KIRREL3: variants seen among roughly 807,000 people sequenced by gnomAD.
KIRREL3 encodes the protein kirre like nephrin family adhesion molecule 3, also known as kin of IRRE-like protein 3.
In KIRREL3, 36 loss-of-function variants were observed where a neutral mutation model predicts 89.7. The ratio of observed to expected loss-of-function variants is 0.40; its 90% CI spans 0.31 to 0.53. The LOEUF (loss-of-function observed/expected upper bound fraction) is 0.53. KIRREL3 is among the 20% of genes least tolerant of loss of function. The probability of loss-of-function intolerance (pLI) is 0.49; values close to 1 mark genes in which losing one functional copy is unlikely to be tolerated. For synonymous variants in KIRREL3, 445 were observed against 441.4 expected (o/e 1.01, Z -0.10); for missense variants, 864 against 1,056.6 (o/e 0.82, Z 2.53).
At chr11:126,482,191 A>G (rs1263745485) in intron 4 of KIRREL3, among the ~76,000 whole-genome samples, 1 of 152,004 alleles carries the variant, frequency 6.6e-6, no homozygotes, top group Non-Finnish European at 1.5e-5. Flanking sequence ...AGTGCCCACC[A>G]TCATGCCTGG....
At chr11:126,438,919 A>C (rs531467288) in intron 11 of KIRREL3, among the ~76,000 whole-genome samples, 1 of 151,980 alleles carries the variant, frequency 6.6e-6, no homozygotes, top group South Asian at 2.1e-4. Flanking sequence ...GGCCAGCCCC[A>C]CCCTCCCTGC....
rs1957507958 is a variant in KIRREL3, at chr11:126,491,336, G to T, written c.434-17870C>A. Among the ~76,000 whole-genome samples, 1 of 152,246 alleles carries T rather than the reference G, an allele frequency of 6.6e-6. No homozygotes were observed. Among genetic ancestry groups the T allele is most frequent in the South Asian group, 2.1e-4 (1 of 4,834 alleles). On this transcript the variant is annotated intron_variant, in intron 4 of 16. Transcript: ENST00000525144. This position sits in a 1 kb window ranked among gnomAD's most constrained non-coding sequence, Gnocchi z 5.5. ...GAGGGCGGGCGCGTGCTGGCTCTGA[G>T]CGGGTGCTTTATTGTGTGATGGGTG...
At chr11:126,613,852 T>C (rs1943228659) in intron 1 of KIRREL3, among the ~76,000 whole-genome samples, 2 of 148,782 alleles carry the variant, frequency 1.3e-5, no homozygotes, top group South Asian at 4.3e-4. Context: ...ATTGCATTTC[T>C]GGAATGTTAA....
intron 2 of KIRREL3, among the ~76,000 whole-genome samples, chr11:126,554,565 T>C (rs1370329083): frequency 6.6e-6 from 1 of 152,160 alleles, no homozygotes; most frequent in East Asian, 1.9e-4. Flanking sequence ...TCCCAGCATC[T>C]TGGAGCTACT....
intron 1 of KIRREL3, among the ~76,000 whole-genome samples, chr11:126,692,544 C>CCA (rs1288184450): frequency 2.3e-5 from 1 of 42,682 alleles, no homozygotes; most frequent in Non-Finnish European, 3.6e-5. Context: ...GACTCTGTCT[C>CCA]AAAAAAAAAA....
Position 126,759,046 on chromosome 11 carries a change from C to T in KIRREL3, c.56-196134G>A, listed in dbSNP as rs550768942. 1.2e-3 allele frequency among the ~76,000 whole-genome samples: 182 copies of T among 152,276 alleles called. 4 individuals are homozygous for T. Among genetic ancestry groups the T allele is most frequent in the African/African-American group, 2.8e-3 (117 of 41,552 alleles). On this transcript the variant is annotated intron_variant, in intron 1 of 16. Coordinates refer to ENST00000525144, the MANE Select transcript of KIRREL3 (RefSeq NM_032531.4). ...TCTCCAGAGTGGGTCATGTACACCC[C>T]AGGGAGTCATTTGACCCTTCTGCAT...
rs1946803214 is a variant in KIRREL3 at position 126,689,569 on chromosome 11, C to A, written c.56-126657G>T. On this transcript the variant is annotated intron_variant, in intron 1 of 16. Coordinates refer to ENST00000525144, the MANE Select transcript of KIRREL3 (RefSeq NM_032531.4). The surrounding 1 kb of genome is among the most constrained non-coding windows in gnomAD (Gnocchi z 5.2). Reference sequence around the variant, plus strand: ...CTGGCTCTACCTTACCTTGACACTCCCAAGTGTAGACATGCCTGATTATTC... The same window carrying A: ...CTGGCTCTACCTTACCTTGACACTCACAAGTGTAGACATGCCTGATTATTC... Among the ~76,000 whole-genome samples the A allele has an allele frequency of 6.6e-6, 1 of 152,192 alleles. No individual in the cohort carries two copies. Among genetic ancestry groups the A allele is most frequent in the Non-Finnish European group, 1.5e-5 (1 of 68,038 alleles).
At position 126,872,414 on chromosome 11, in the gene KIRREL3, G is replaced by A. The variant is rs1945137006; in HGVS notation, c.55+128041C>T. Among the ~76,000 whole-genome samples the A allele has an allele frequency of 6.6e-6, 1 of 152,198 alleles. No homozygotes were observed. The highest frequency in any genetic ancestry group is 2.4e-5 in the African/African-American group (1 of 41,462). ...GGCACGGGGCTTATGGGGTAGCCCT[G>A]CTCAGCAAGGAGCGGCTCCCCTGCT... is the stretch of plus-strand genomic sequence containing the variant. On this transcript the variant is annotated intron_variant, in intron 1 of 16. Coordinates refer to ENST00000525144, the MANE Select transcript of KIRREL3 (RefSeq NM_032531.4). The surrounding 1 kb of genome is among the most constrained non-coding windows in gnomAD (Gnocchi z 4.2).
At chr11:126,718,778 T>C (rs1429542740) in intron 1 of KIRREL3, among the ~76,000 whole-genome samples, 1 of 152,144 alleles carries the variant, frequency 6.6e-6, no homozygotes, top group Non-Finnish European at 1.5e-5. Flanking sequence ...AGGGAAGCTA[T>C]GGGCAGAGCG....
intron 1 of KIRREL3, among the ~76,000 whole-genome samples, chr11:126,963,145 A>C (rs1949147084): frequency 6.6e-6 from 1 of 152,224 alleles, no homozygotes; most frequent in Admixed American, 6.5e-5. Flanking sequence ...GATCTAGCCA[A>C]ATAAAAAATA....
At chr11:126,672,080 AAGCTATAATTAAT>A (rs1945977389) in intron 1 of KIRREL3, among the ~76,000 whole-genome samples, 1 of 152,252 alleles carries the variant, frequency 6.6e-6, no homozygotes, top group South Asian at 2.1e-4. Context: ...ATACACAATT[AAGCTATAATTAAT>A]AGCATGCCCC....
chr11:126,551,893 G>A lies in KIRREL3; in HGVS notation c.133+10942C>T, dbSNP rs1394271391. Among the ~76,000 whole-genome samples, 4 of 152,138 alleles carry A rather than the reference G, an allele frequency of 2.6e-5. No individual in the cohort carries two copies. Among genetic ancestry groups the A allele is most frequent in the Non-Finnish European group, 5.9e-5 (4 of 68,012 alleles). ...ACTCCTGACCTCAGGTGATCCACCCGCCTTGGCCTCCCAAAGTGCTGGGAT... is the reference window on the plus strand; with the variant it reads ...ACTCCTGACCTCAGGTGATCCACCCACCTTGGCCTCCCAAAGTGCTGGGAT... On this transcript the variant is annotated intron_variant, in intron 2 of 16. Coordinates refer to ENST00000525144, the MANE Select transcript of KIRREL3 (RefSeq NM_032531.4). The surrounding 1 kb of genome is among the most constrained non-coding windows in gnomAD (Gnocchi z 4.9).
In KIRREL3 at chr11:126,431,393, T is replaced by G; in HGVS notation, c.1696+26A>C. 6.2e-7 allele frequency: 1 copy of G among 1,613,460 alleles called. No individual in the cohort carries two copies. The highest frequency in any genetic ancestry group is 8.5e-7 in the Non-Finnish European group (1 of 1,179,690). The stretch of plus-strand genomic sequence containing the variant: ...TGGCCTTTTTCTCTGTCCCCCTCCC[T>G]GAGATCCCGGATCTCCCTCCCGTAC... On this transcript the variant is annotated intron_variant, in intron 14 of 16. Transcript: ENST00000525144. The surrounding 1 kb of genome is among the most constrained non-coding windows in gnomAD (Gnocchi z 7.1).
intron 4 of KIRREL3, among the ~76,000 whole-genome samples, chr11:126,512,645 C>T (rs547143173): frequency 6.6e-6 from 1 of 152,184 alleles, no homozygotes; most frequent in African/African-American, 2.4e-5. Context: ...ATGGCAGACA[C>T]CCGAGGATCG....
In KIRREL3 at chr11:126,535,215, C is replaced by T. The variant is rs537418270; in HGVS notation, c.134-8528G>A. 1.3e-5 allele frequency among the ~76,000 whole-genome samples: 2 copies of T among 152,110 alleles called. No homozygotes were observed. Among genetic ancestry groups the T allele is most frequent in the African/African-American group, 2.4e-5 (1 of 41,428 alleles). On this transcript the variant is annotated intron_variant, in intron 2 of 16. Coordinates refer to ENST00000525144, the MANE Select transcript of KIRREL3 (RefSeq NM_032531.4). This position sits in a 1 kb window ranked among gnomAD's most constrained non-coding sequence, Gnocchi z 4.5. ...CCTCCTGACTGCTCTTCCCAAAAGC[C>T]CCCTCTAGATTTCCCTCCTGCGCTT...
In KIRREL3 at chr11:126,612,835, G is replaced by T. The variant is rs949666287; in HGVS notation, c.56-49923C>A. ...CAGTACTTTATTCCTTTGTATGGGT[G>T]AGTAACATTCCATGGCATAGCTATA... On this transcript the variant is annotated intron_variant, in intron 1 of 16. Coordinates refer to ENST00000525144, the MANE Select transcript of KIRREL3 (RefSeq NM_032531.4). This position sits in a 1 kb window ranked among gnomAD's most constrained non-coding sequence, Gnocchi z 4.5. 6.6e-6 allele frequency among the ~76,000 whole-genome samples: 1 copy of T among 152,216 alleles called. No homozygotes were observed. The highest frequency in any genetic ancestry group is 1.5e-5 in the Non-Finnish European group (1 of 68,040).
In KIRREL3 at chr11:126,570,279, G is replaced by A. The variant is rs1430960703; in HGVS notation, c.56-7367C>T. Among the ~76,000 whole-genome samples, 1 of 151,694 alleles carries A rather than the reference G, an allele frequency of 6.6e-6. No homozygotes were observed. Among genetic ancestry groups the A allele is most frequent in the Non-Finnish European group, 1.5e-5 (1 of 68,020 alleles). ...TATTTCATATGAGTTAATTATACTA[G>A]AACTAAGTTTTTCCCCATTCATATT... On this transcript the variant is annotated intron_variant, in intron 1 of 16. Coordinates refer to ENST00000525144, the MANE Select transcript of KIRREL3 (RefSeq NM_032531.4). This position sits in a 1 kb window ranked among gnomAD's most constrained non-coding sequence, Gnocchi z 6.1.
intron 9 of KIRREL3, among the ~76,000 whole-genome samples, chr11:126,445,911 G>A (rs1423138847): frequency 6.6e-6 from 1 of 152,202 alleles, no homozygotes; most frequent in Non-Finnish European, 1.5e-5. Flanking sequence ...CACTTTGGGA[G>A]GCCGAGGTGG....
rs1017336592 is a variant in KIRREL3 at position 126,768,262 on chromosome 11, C to CCATCCATCCATCCATT, written c.56-205366_56-205351dup. 1.3e-4 allele frequency among the ~76,000 whole-genome samples: 20 copies of CCATCCATCCATCCATT among 150,304 alleles called. No individual in the cohort carries two copies. Among genetic ancestry groups the CCATCCATCCATCCATT allele is most frequent in the African/African-American group, 4.5e-4 (18 of 39,860 alleles). On this transcript the variant is annotated intron_variant, in intron 1 of 16. Transcript: ENST00000525144. This position sits in a 1 kb window ranked among gnomAD's most constrained non-coding sequence, Gnocchi z 4.5. The stretch of plus-strand genomic sequence containing the variant: ...TCTGTCCATCCATACATGCATCCAC[C>CCATCCATCCATCCATT]CATCCATCCATCCATTCATCCATCC...
Sources: gnomAD v4.1 joint callset for allele counts (sites outside exome capture counted in the v4.1 genomes callset) on GRCh38, gnomAD v4.1.1 for gene constraint, Gnocchi (gnomAD v3.1) non-coding constraint, MANE v1.5 for transcripts, NCBI Gene and HGNC (gene_info 2026-07-23, HGNC 2026-07-21) for gene names.